Variants in PSEN2 observed in about 807,000 individuals in gnomAD.
PSEN2 encodes presenilin-2.
A neutral mutation model predicts 49.1 loss-of-function variants in PSEN2; 32 were observed. That is an observed-to-expected ratio of 0.65 (90% CI 0.49 to 0.88). The LOEUF is 0.88. Ranked by LOEUF, PSEN2 falls within the 40% of genes least tolerant of loss-of-function variation. The probability of loss-of-function intolerance (pLI) is 0.00; values close to 1 mark genes in which losing one functional copy is unlikely to be tolerated. For missense variants in PSEN2, 522 were observed against 586.9 expected (o/e 0.89, Z 1.14); for synonymous variants, 255 against 244.0 (o/e 1.05, Z -0.42).
At chr1:226,891,937 A>G (rs1646824291) in intron 11 of PSEN2, 93 bp downstream of exon 11, 4 of 1,190,334 alleles carry the variant, frequency 3.4e-6, no homozygotes, top group Non-Finnish European at 5.0e-6. Context: ...GGAGGAGGGC[A>G]TGAGGGGAGG....
At chr1:226,897,087 T>C (rs1662175959), downstream of PSEN2, among the ~76,000 whole-genome samples, 1 of 151,958 alleles carries the variant, frequency 6.6e-6, no homozygotes, top group Non-Finnish European at 1.5e-5. Context: ...TGATTAGTAG[T>C]GCAGGTCAGA....
chr1:226,897,822 C>T (rs1386005920), downstream of PSEN2: 1 of 155,488 alleles, frequency 6.4e-6, no homozygotes, highest in Non-Finnish European at 1.5e-5. Flanking sequence ...CTGCCCTTCT[C>T]ATCTATGGTT....
intron 3 of PSEN2, chr1:226,880,860 A>G (rs1402589851): frequency 7.0e-7 from 1 of 1,435,710 alleles, no homozygotes; most frequent in Non-Finnish European, 9.5e-7. Flanking sequence ...CCCACCTCAC[A>G]CGTCTGCTCT....
At chr1:226,897,611 G>A (rs1378472081), downstream of PSEN2, 1 of 155,124 alleles carries the variant, frequency 6.4e-6, no homozygotes, top group Non-Finnish European at 1.5e-5. Flanking sequence ...GAGAGAATTT[G>A]TAAAAGACAG....
chr1:226,877,544 C>G (rs1023154302), intron 3 of PSEN2, among the ~76,000 whole-genome samples: 1 of 152,156 alleles, frequency 6.6e-6, no homozygotes, highest in Non-Finnish European at 1.5e-5. Context: ...ACCTGTCACC[C>G]CCACCCCACC....
At chr1:226,889,813 C>T (rs1475874378) in intron 8 of PSEN2, among the ~76,000 whole-genome samples, 1 of 152,222 alleles carries the variant, frequency 6.6e-6, no homozygotes, top group Non-Finnish European at 1.5e-5. Context: ...CACCGCGTCT[C>T]GGGTGCACAG....
chr1:226,888,263 A>C (rs970923908), intron 7 of PSEN2, 105 bp downstream of exon 7: 1 of 1,055,822 alleles, frequency 9.5e-7, no homozygotes, highest in African/African-American at 1.6e-5. Context: ...ATCGAGCTCC[A>C]GTCTTCCCCA....
intron 4 of PSEN2, among the ~76,000 whole-genome samples, chr1:226,883,483 A>C (rs555715656): frequency 3.7e-4 from 56 of 152,366 alleles, no homozygotes; most frequent in Admixed American, 7.8e-4. Flanking sequence ...CCTGCAGACC[A>C]TAGCAACCTT....
In PSEN2 at chr1:226,891,305, C is replaced by G. The variant is rs200501733; in HGVS notation, c.914C>G (p.Ala305Gly). The G allele has an allele frequency of 6.2e-7, 1 of 1,613,810 alleles. No homozygotes were observed. Among genetic ancestry groups the G allele is most frequent in the Non-Finnish European group, 8.5e-7 (1 of 1,179,962 alleles). Residue 305 changes from alanine to glycine, a missense_variant, in exon 10 of 13, where the codon GCG becomes GGG. Coordinates refer to ENST00000366783, the MANE Select transcript of PSEN2 (RefSeq NM_000447.3). ...GCCATGGTGTGGACGGTTGGCATGGCGAAGCTGGACCCCTCCTCTCAGGGT... is the reference window on the plus strand; with the variant it reads ...GCCATGGTGTGGACGGTTGGCATGGGGAAGCTGGACCCCTCCTCTCAGGGT... ...SSAMVWTVGM[A>G]KLDPSSQGAL...
In PSEN2 at chr1:226,871,413, T is replaced by TA. The variant is rs1660281864; in HGVS notation, c.-207+10dup. ...TTCCCAAGGTCGCCCAGGTACGATA[T>TA]AGCAGAGCCAGGCTTCGACCCCAGT... On this transcript the variant is annotated intron_variant, in intron 2 of 12. Transcript: ENST00000366783. 1 of 152,242 alleles carries TA rather than the reference T, an allele frequency of 6.6e-6. No individual in the cohort carries two copies. The highest frequency in any genetic ancestry group is 1.5e-5 in the Non-Finnish European group (1 of 68,070). 9.4% of individuals were successfully genotyped at this position (152,242 alleles called of 1,614,324 possible). A position where few individuals can be genotyped will look rare whatever the true frequency, so the allele number is the denominator to read the frequency against.
In PSEN2 at chr1:226,881,936, A is replaced by G. The variant is rs1661020551; in HGVS notation, c.29A>G (p.Glu10Gly). Residue 10 changes from glutamate to glycine, a missense_variant, in exon 4 of 13, where the codon GAG (glutamate) becomes GGG (glycine). Glu to Gly is a moderately conservative substitution (Grantham distance 98, BLOSUM62 -2). Transcript: ENST00000366783. The part of the protein sequence containing the change: MLTFMASDS[E>G]EEVCDERTSL... ...CTCACATTCATGGCCTCTGACAGCGAGGAAGAAGTGTGTGATGAGCGGACG... is the reference window on the plus strand; with the variant it reads ...CTCACATTCATGGCCTCTGACAGCGGGGAAGAAGTGTGTGATGAGCGGACG... 1 of 1,614,182 alleles carries G rather than the reference A, an allele frequency of 6.2e-7. No homozygotes were observed. Among genetic ancestry groups the G allele is most frequent in the Non-Finnish European group, 8.5e-7 (1 of 1,180,038 alleles).
chr1:226,879,674 A>G (rs1333143198), intron 3 of PSEN2, among the ~76,000 whole-genome samples: 21 of 152,156 alleles, frequency 1.4e-4, no homozygotes, highest in Admixed American at 1.4e-3. Context: ...AAATATTCCT[A>G]ACCTTTGCAG....
intron 2 of PSEN2, among the ~76,000 whole-genome samples, chr1:226,873,727 T>C (rs1253898433): frequency 6.6e-6 from 1 of 152,200 alleles, no homozygotes; most frequent in Non-Finnish European, 1.5e-5. Flanking sequence ...AGATAACCAC[T>C]CTTAACATGC....
intron 8 of PSEN2, 43 bp from the exon 9 acceptor site, chr1:226,889,992 G>A: frequency 6.6e-7 from 1 of 1,512,240 alleles, no homozygotes; most frequent in South Asian, 1.1e-5. Context: ...TCTTCAGGGG[G>A]CTGCCCGGGG....
At chr1:226,891,690 T>C (rs532697278) in intron 10 of PSEN2, 53 bp from the exon 11 acceptor site, 21 of 1,456,576 alleles carry the variant, frequency 1.4e-5, no homozygotes, top group African/African-American at 9.8e-5. Context: ...TTCTCTCTCT[T>C]GTTGTCCCCT....
chr1:226,893,673 T>C (rs1269078631), intron 11 of PSEN2, among the ~76,000 whole-genome samples: 1 of 152,234 alleles, frequency 6.6e-6, no homozygotes, highest in Non-Finnish European at 1.5e-5. Context: ...TACTAAATTG[T>C]ACAGCAGTGC....
chr1:226,899,386 A>G (rs1210409975), downstream of PSEN2: 1 of 152,078 alleles, frequency 6.6e-6, no homozygotes, highest in Non-Finnish European at 1.5e-5. Flanking sequence ...ACATATACCA[A>G]GTTTCCATAA....
In PSEN2 at chr1:226,890,017, A is replaced by T; in HGVS notation, c.788-18A>T. 3.8e-6 allele frequency: 6 copies of T among 1,598,928 alleles called. No homozygotes were observed. The highest frequency in any genetic ancestry group is 5.1e-6 in the Non-Finnish European group (6 of 1,166,234). Reference sequence around the variant, plus strand: ...GCTGCCCGGGGATAGTTTGACAAGGATGTCTCTGTCTTCCTAGATCTCGTG... The same window carrying T: ...GCTGCCCGGGGATAGTTTGACAAGGTTGTCTCTGTCTTCCTAGATCTCGTG... On this transcript the variant is annotated intron_variant, in intron 8 of 12. Coordinates refer to ENST00000366783, the MANE Select transcript of PSEN2 (RefSeq NM_000447.3).
At position 226,895,471 on chromosome 1, in the gene PSEN2, G is replaced by A. The variant is rs987069930; in HGVS notation, c.1239G>A (p.Leu413=). Reference sequence around the variant, plus strand: ...TGCTTGCTGTGTTCAAGAAGGCGCTGCCCGCCCTCCCCATCTCCATCACGT... The same window carrying A: ...TGCTTGCTGTGTTCAAGAAGGCGCTACCCGCCCTCCCCATCTCCATCACGT... ...LLLLAVFKKA[L]PALPISITFG... is the part of the protein sequence containing the mutation. Residue 413 remains leucine (L), a synonymous_variant, in exon 13 of 13, where the codon CTG becomes CTA. Coordinates refer to ENST00000366783, the MANE Select transcript of PSEN2 (RefSeq NM_000447.3). 1.9e-6 allele frequency: 3 copies of A among 1,613,908 alleles called. No individual in the cohort carries two copies. The highest frequency in any genetic ancestry group is 2.5e-6 in the Non-Finnish European group (3 of 1,180,004).
Sources: allele counts gnomAD v4.1 joint callset (sites outside exome capture counted in the v4.1 genomes callset), GRCh38; gene constraint gnomAD v4.1.1; transcripts MANE v1.5; gene names NCBI Gene and HGNC (gene_info 2026-07-23, HGNC 2026-07-21).